The following PER2 variants were observed in gnomAD, a reference collection of about 807,000 sequenced individuals.
PER2 encodes period circadian protein homolog 2.
PER2 carries 66 observed loss-of-function variants against 121.0 expected under a neutral mutation model. The ratio of observed to expected loss-of-function variants is 0.55; its 90% CI spans 0.45 to 0.67. The LOEUF (loss-of-function observed/expected upper bound fraction) is 0.67, where lower values mean the gene tolerates loss of function less well. Ranked by LOEUF, PER2 falls within the 30% of genes least tolerant of loss-of-function variation. The pLI, the probability that PER2 is intolerant of heterozygous loss-of-function variation, is 0.00. For missense variants in PER2, 1,521 were observed against 1,635.0 expected, an observed-to-expected ratio of 0.93 and a Z score of 1.20; for synonymous variants, 684 against 659.9, an observed-to-expected ratio of 1.04 and a Z score of -0.56.
the PER2 span, among the ~76,000 whole-genome samples, chr2:238,297,305 G>A: frequency 6.6e-6 from 1 of 152,204 alleles, no homozygotes; most frequent in African/African-American, 2.4e-5. Context: ...TGTGAAAACT[G>A]GAGAAGCTAT....
chr2:238,245,330 G>C lies in PER2; in HGVS notation c.*1045C>G, dbSNP rs1267318959. On this transcript the variant is annotated 3_prime_UTR_variant, in exon 23 of 23. Coordinates refer to ENST00000254657, the MANE Select transcript of PER2 (RefSeq NM_022817.3). The stretch of plus-strand genomic sequence containing the variant: ...CCGAGAGAGGTCGGGCTCATGAAAA[G>C]AATGAGGGCTGTGCACCCAACCCAG... The C allele has an allele frequency of 8.1e-6, 3 of 372,626 alleles. No homozygotes were observed. The highest frequency in any genetic ancestry group is 1.4e-5 in the Non-Finnish European group (3 of 209,984). The allele number at this position is 372,626 out of a possible 1,614,324, so 23.1% of individuals were successfully genotyped here. A position where few individuals can be genotyped will look rare whatever the true frequency, so the allele number is the denominator to read the frequency against.
chr2:238,276,776 G>A (rs951340610), intron 3 of PER2, among the ~76,000 whole-genome samples: 1 of 152,174 alleles, frequency 6.6e-6, no homozygotes, highest in African/African-American at 2.4e-5. Context: ...ACAAGGAGCC[G>A]GGTTCTGCTC....
At chr2:238,256,037 G>C in intron 17 of PER2, 126 bp from the exon 18 acceptor site, 2 of 1,193,036 alleles carry the variant, frequency 1.7e-6, no homozygotes, top group Non-Finnish European at 2.4e-6. Context: ...TGTGGCATGA[G>C]GATGAGACTC....
chr2:238,299,714 A>G, the PER2 span: 11 of 152,138 alleles, frequency 7.2e-5, no homozygotes, highest in African/African-American at 2.4e-4. Flanking sequence ...AGAATCTCAA[A>G]CCCCCAAATT....
rs935175752 is a variant in PER2, at chr2:238,252,117, C to T, written c.3112-356G>A. Among the ~76,000 whole-genome samples the T allele has an allele frequency of 2.0e-5, 3 of 152,202 alleles. No individual in the cohort carries two copies. The highest frequency in any genetic ancestry group is 3.9e-4 in the East Asian group (2 of 5,190). On this transcript the variant is annotated intron_variant, in intron 19 of 22. Coordinates refer to ENST00000254657, the MANE Select transcript of PER2 (RefSeq NM_022817.3). This position sits in a 1 kb window ranked among gnomAD's most constrained non-coding sequence, Gnocchi z 4.2. ...TGGGGAAAACGCCTCTCACAGCACCCGGTGTGGGGGCTGCCTTGGGATTGA... is the reference window on the plus strand; with the variant it reads ...TGGGGAAAACGCCTCTCACAGCACCTGGTGTGGGGGCTGCCTTGGGATTGA...
intron 14 of PER2, 78 bp downstream of exon 14, chr2:238,259,891 C>G (rs1695874902): frequency 1.4e-6 from 1 of 732,880 alleles, no homozygotes; most frequent in African/African-American, 1.8e-5. Context: ...CCAGAGTCAG[C>G]ATTTAACCCA....
In PER2 at chr2:238,253,439, G is replaced by A. The variant is rs878979769; in HGVS notation, c.2584C>T (p.Pro862Ser). The change falls in exon 19 of 23, where the codon CCA becomes TCA. Residue 862 changes from proline to serine, a missense_variant. Pro to Ser is a moderately conservative substitution (Grantham distance 74). Transcript: ENST00000254657. This position sits in a 1 kb window ranked among gnomAD's most constrained non-coding sequence, Gnocchi z 5.6. Reference protein sequence around the residue: ...AAYSLPVFPAPGTVAAPPAPP... With the variant: ...AAYSLPVFPASGTVAAPPAPP... ...GCCGGGGGTGCTGCCACAGTCCCTG[G>A]CGCTGGAAACACGGGCAGTGAATAA... is the stretch of plus-strand genomic sequence containing the variant. 2 of 1,612,634 alleles carry A rather than the reference G, an allele frequency of 1.2e-6. No homozygotes were observed. Among genetic ancestry groups the A allele is most frequent in the Non-Finnish European group, 8.5e-7 (1 of 1,179,150 alleles).
chr2:238,255,478 AC>A lies in PER2; in HGVS notation c.2320+178del, dbSNP rs550782340. 4,501 of 698,292 alleles carry A rather than the reference AC, an allele frequency of 6.4e-3. 27 individuals carry two copies. Among genetic ancestry groups the A allele is most frequent in the South Asian group, 0.014 (879 of 60,826 alleles). The allele number at this position is 698,292 out of a possible 1,614,324, so 43.3% of individuals were successfully genotyped here. A position where few individuals can be genotyped will look rare whatever the true frequency, so the allele number is the denominator to read the frequency against. ...GAATGCAAGCTGACATCCCGAGAGC[AC>A]CCCCCCGGTGGGAAGTTCTACAGAA... On this transcript the variant is annotated intron_variant, in intron 18 of 22. Transcript: ENST00000254657.
Position 238,252,850 on chromosome 2 carries a change from C to T in PER2, c.3111+62G>A. On this transcript the variant is annotated intron_variant, in intron 19 of 22. Coordinates refer to ENST00000254657, the MANE Select transcript of PER2 (RefSeq NM_022817.3). This position sits in a 1 kb window ranked among gnomAD's most constrained non-coding sequence, Gnocchi z 4.2. ...CCATGTCTGAACTGAGGATGTGCGGCCGGCCTGCCAGGTGTGCTGTTTGCT... is the reference window on the plus strand; with the variant it reads ...CCATGTCTGAACTGAGGATGTGCGGTCGGCCTGCCAGGTGTGCTGTTTGCT... 1 of 1,418,490 alleles carries T rather than the reference C, an allele frequency of 7.0e-7. No individual in the cohort carries two copies. The allele number at this position is 1,418,490 out of a possible 1,614,324, so 87.9% of individuals were successfully genotyped here.
chr2:238,253,361 G>C lies in PER2; in HGVS notation c.2662C>G (p.Gln888Glu). 6.2e-7 allele frequency: 1 copy of C among 1,613,186 alleles called. No individual in the cohort carries two copies. The highest frequency in any genetic ancestry group is 8.5e-7 in the Non-Finnish European group (1 of 1,179,464). Residue 888 changes from glutamine (Q) to glutamate (E), a missense_variant, in exon 19 of 23, where the codon CAG (glutamine) becomes GAG (glutamate). Physicochemically the swap from Gln to Glu is conservative, Grantham distance 29. Transcript: ENST00000254657. This position sits in a 1 kb window ranked among gnomAD's most constrained non-coding sequence, Gnocchi z 5.6. The part of the protein sequence containing the change: ...VPAVPVDLQH[Q>E]FAVQPPPFPA... ...AAAGGTGGGGGCTGGACTGCAAACT[G>C]GTGCTGGAGGTCCACGGGCACAGCA...
At chr2:238,293,358 CTTA>C (rs775000030), upstream of PER2, among the ~76,000 whole-genome samples, 2 of 152,124 alleles carry the variant, frequency 1.3e-5, no homozygotes, top group Non-Finnish European at 2.9e-5. Context: ...ACTGACTTCT[CTTA>C]TTATCAGTTT....
Position 238,275,628 on chromosome 2 carries a change from C to T in PER2, c.448+115G>A. On this transcript the variant is annotated intron_variant, in intron 4 of 22. Transcript: ENST00000254657. ...CGCTTAAGCCCAGAAGTCAAGGCTG[C>T]AGTGAGCTGCGATGAGCCTCGAGTT... 4 of 1,139,890 alleles carry T rather than the reference C, an allele frequency of 3.5e-6. No homozygotes were observed. In the South Asian group the frequency reaches 4.9e-5, roughly 14 times the overall value. The allele number at this position is 1,139,890 out of a possible 1,614,324, so 70.6% of individuals were successfully genotyped here. A position where few individuals can be genotyped will look rare whatever the true frequency, so the allele number is the denominator to read the frequency against.
intron 18 of PER2, among the ~76,000 whole-genome samples, chr2:238,254,565 C>G (rs1695704768): frequency 1.3e-5 from 2 of 152,218 alleles, no homozygotes; most frequent in African/African-American, 2.4e-5. Flanking sequence ...AATCTGTCCC[C>G]TGGTGGGAAC....
chr2:238,277,397 AGGAG>A (rs1696487449), intron 2 of PER2, among the ~76,000 whole-genome samples: 1 of 152,204 alleles, frequency 6.6e-6, no homozygotes, highest in South Asian at 2.1e-4. Flanking sequence ...ACATGATAAC[AGGAG>A]CCAGTTCCTT....
chr2:238,260,071 T>C lies in PER2; in HGVS notation c.1543-18A>G. The C allele has an allele frequency of 8.1e-6, 9 of 1,116,614 alleles. No homozygotes were observed. Among genetic ancestry groups the C allele is most frequent in the Non-Finnish European group, 1.2e-5 (9 of 738,908 alleles). 69.2% of individuals were successfully genotyped at this position (1,116,614 alleles called of 1,614,324 possible). A position where few individuals can be genotyped will look rare whatever the true frequency, so the allele number is the denominator to read the frequency against. On this transcript the variant is annotated intron_variant, in intron 13 of 22. Transcript: ENST00000254657. The stretch of plus-strand genomic sequence containing the variant: ...CAAATTTCCTTGAAGAAAAACAAAA[T>C]GAACACATTATTCATTCTAGGAGAC...
At chr2:238,267,575 G>C (rs1696148734) in intron 8 of PER2, among the ~76,000 whole-genome samples, 1 of 152,192 alleles carries the variant, frequency 6.6e-6, no homozygotes, top group Non-Finnish European at 1.5e-5. Context: ...AGTTAGGATG[G>C]GCCAAGGTGG....
At chr2:238,264,395 G>T (rs1696033595) in intron 9 of PER2, among the ~76,000 whole-genome samples, 1 of 152,198 alleles carries the variant, frequency 6.6e-6, no homozygotes. Context: ...GGAAGTGACG[G>T]ATCCCTTTTT....
At chr2:238,270,747 T>C (rs1436309749) in intron 6 of PER2, among the ~76,000 whole-genome samples, 1 of 152,198 alleles carries the variant, frequency 6.6e-6, no homozygotes, top group Admixed American at 6.5e-5. Context: ...GGGTAGACGG[T>C]GGCTACAGGG....
At position 238,246,342 on chromosome 2, in the gene PER2, C is replaced by G; in HGVS notation, c.*33G>C. The G allele has an allele frequency of 6.5e-7, 1 of 1,549,234 alleles. No individual in the cohort carries two copies. The highest frequency in any genetic ancestry group is 1.2e-5 in the South Asian group (1 of 84,210). On this transcript the variant is annotated 3_prime_UTR_variant, in exon 23 of 23. Coordinates refer to ENST00000254657, the MANE Select transcript of PER2 (RefSeq NM_022817.3). ...CTCTTCCAAGCACCACCTGGTGTAC[C>G]TCGCTGGCTGCCGGGCTGAGGTGGG...
Sources: gnomAD v4.1 joint callset for allele counts (sites outside exome capture counted in the v4.1 genomes callset) on GRCh38, gnomAD v4.1.1 for gene constraint, Gnocchi (gnomAD v3.1) non-coding constraint, MANE v1.5 for transcripts, NCBI Gene and HGNC (gene_info 2026-07-23, HGNC 2026-07-21) for gene names.